Variants in VPS13B observed in about 807,000 individuals in gnomAD.
The protein encoded by VPS13B is intermembrane lipid transfer protein VPS13B.
A neutral mutation model predicts 426.4 loss-of-function variants in VPS13B; 285 were observed. The ratio of observed to expected loss-of-function variants is 0.67; its 90% CI spans 0.61 to 0.74. VPS13B has a LOEUF of 0.74. Among genes scored for constraint, VPS13B ranks in the 30% least tolerant of loss-of-function variants. The pLI is 0.00. For synonymous variants in VPS13B, 1,676 were observed against 1,676.4 expected (o/e 1.00, Z 0.01); for missense variants, 4,537 against 4,782.6 (o/e 0.95, Z 1.51).
intron 8 of VPS13B, among the ~76,000 whole-genome samples, chr8:99,124,133 G>A (rs1460038993): frequency 6.6e-6 from 1 of 152,156 alleles, no homozygotes; most frequent in Non-Finnish European, 1.5e-5. Flanking sequence ...AATATTGTAG[G>A]CAGAAAACCA....
chr8:99,811,331 C>T (rs1201803512), intron 44 of VPS13B, among the ~76,000 whole-genome samples: 1 of 152,196 alleles, frequency 6.6e-6, no homozygotes, highest in African/African-American at 2.4e-5. Context: ...CAAGTCACCT[C>T]TCCTCTACAT....
chr8:99,248,342 T>C (rs1239562518), intron 17 of VPS13B, among the ~76,000 whole-genome samples: 1 of 152,168 alleles, frequency 6.6e-6, no homozygotes, highest in Non-Finnish European at 1.5e-5. Flanking sequence ...TGTATACATA[T>C]ATAGAAATAT....
At chr8:99,782,183 C>T (rs766101095) in intron 42 of VPS13B, among the ~76,000 whole-genome samples, 6 of 152,036 alleles carry the variant, frequency 3.9e-5, no homozygotes, top group African/African-American at 7.2e-5. Flanking sequence ...TTTCCCTCCC[C>T]TTCTTCTCCC....
At chr8:99,812,501 C>G (rs970733011) in intron 44 of VPS13B, among the ~76,000 whole-genome samples, 4 of 152,154 alleles carry the variant, frequency 2.6e-5, no homozygotes, top group East Asian at 1.9e-4. Flanking sequence ...CACCTTAACA[C>G]CCCCTGGATA....
chr8:99,301,203 A>G (rs1367368962), intron 19 of VPS13B, among the ~76,000 whole-genome samples: 1 of 152,044 alleles, frequency 6.6e-6, no homozygotes, highest in East Asian at 1.9e-4. Flanking sequence ...TAACAGAGCA[A>G]GACCTTGTTT....
intron 17 of VPS13B, among the ~76,000 whole-genome samples, chr8:99,238,639 A>AT (rs559232708): frequency 1.4e-3 from 219 of 152,298 alleles, no homozygotes; most frequent in African/African-American, 5.0e-3. Flanking sequence ...ACTGACAGTT[A>AT]TTGGCTAGTT....
At chr8:99,211,772 A>G (rs1280182138) in intron 17 of VPS13B, among the ~76,000 whole-genome samples, 1 of 152,108 alleles carries the variant, frequency 6.6e-6, no homozygotes, top group Non-Finnish European at 1.5e-5. Flanking sequence ...AGAGAAAAAA[A>G]TTACTTATGC....
At chr8:99,520,120 A>G (rs975093021) in intron 29 of VPS13B, among the ~76,000 whole-genome samples, 1 of 152,176 alleles carries the variant, frequency 6.6e-6, no homozygotes, top group African/African-American at 2.4e-5. Context: ...AAAGAGAATT[A>G]GAACTGATAC....
intron 19 of VPS13B, among the ~76,000 whole-genome samples, chr8:99,332,053 G>A (rs758835064): frequency 2.6e-5 from 4 of 151,664 alleles, no homozygotes; most frequent in African/African-American, 7.3e-5. Flanking sequence ...CTCCAGAAAC[G>A]TAGAATAGAG....
intron 19 of VPS13B, among the ~76,000 whole-genome samples, chr8:99,373,876 C>G (rs747579644): frequency 4.3e-4 from 66 of 151,990 alleles, no homozygotes; most frequent in South Asian, 8.4e-4. Flanking sequence ...CTGTTTTTAC[C>G]AACATATTTA....
intron 17 of VPS13B, among the ~76,000 whole-genome samples, chr8:99,228,441 C>G (rs929851133): frequency 6.6e-6 from 1 of 152,010 alleles, no homozygotes; most frequent in Non-Finnish European, 1.5e-5. Context: ...AACGAATAGG[C>G]CTTCAGGTTG....
intron 43 of VPS13B, among the ~76,000 whole-genome samples, chr8:99,792,421 C>T (rs1812587180): frequency 6.8e-6 from 1 of 147,824 alleles, no homozygotes; most frequent in South Asian, 2.1e-4. Context: ...AATTAAGGTC[C>T]TAAATTAGTT....
chr8:99,507,696 C>T lies in VPS13B; in HGVS notation c.4224+493C>T, dbSNP rs1821571746. The T allele has an allele frequency of 3.1e-6, 5 of 1,600,496 alleles. No individual in the cohort carries two copies. The Admixed American group carries it at 8.6e-5, about 27-fold the overall frequency. On this transcript the variant is annotated intron_variant, in intron 28 of 61. Transcript: ENST00000357162. ...AACTTGAGGAGAATTTAAAACTATC[C>T]AGATATTTTTTTGCTTATGGCTTTT...
intron 19 of VPS13B, among the ~76,000 whole-genome samples, chr8:99,276,207 G>A (rs563807445): frequency 1.3e-5 from 2 of 152,242 alleles, no homozygotes; most frequent in East Asian, 3.9e-4. Context: ...ACATTTGAAA[G>A]ATGAGTATAT....
intron 19 of VPS13B, among the ~76,000 whole-genome samples, chr8:99,315,960 T>C (rs1563664528): frequency 6.6e-6 from 1 of 152,232 alleles, no homozygotes; most frequent in African/African-American, 2.4e-5. Flanking sequence ...TTTGTTTGCA[T>C]AGGGGAAGGC....
chr8:99,742,072 C>A (rs1176875230), intron 39 of VPS13B, among the ~76,000 whole-genome samples: 1 of 152,050 alleles, frequency 6.6e-6, no homozygotes, highest in Non-Finnish European at 1.5e-5. Context: ...ATTGATAGAC[C>A]ACTAGCAAGA....
chr8:99,217,520 T>C (rs1038655304), intron 17 of VPS13B, among the ~76,000 whole-genome samples: 1 of 152,224 alleles, frequency 6.6e-6, no homozygotes, highest in African/African-American at 2.4e-5. Flanking sequence ...AGTAGATATT[T>C]TTTTATTTGA....
At chr8:99,639,915 T>C (rs1396992478) in intron 33 of VPS13B, among the ~76,000 whole-genome samples, 1 of 148,112 alleles carries the variant, frequency 6.8e-6, no homozygotes, top group Non-Finnish European at 1.5e-5. Flanking sequence ...GGTTGTAGGC[T>C]GCAGTGAGCT....
chr8:99,866,472 C>T (rs1053069859), intron 58 of VPS13B, among the ~76,000 whole-genome samples: 1 of 152,368 alleles, frequency 6.6e-6, no homozygotes. Flanking sequence ...TTCCACAGCT[C>T]CCTCTCTGAC....
Sources: gnomAD v4.1 joint callset for allele counts (sites outside exome capture counted in the v4.1 genomes callset) on GRCh38, gnomAD v4.1.1 for gene constraint, MANE v1.5 for transcripts, NCBI Gene and HGNC (gene_info 2026-07-23, HGNC 2026-07-21) for gene names.